The following PIK3R5 variants were observed in gnomAD, a reference collection of about 807,000 sequenced individuals.
PIK3R5 encodes the protein phosphoinositide-3-kinase regulatory subunit 5, also known as phosphoinositide 3-kinase regulatory subunit 5.
Under a neutral mutation model 94.9 loss-of-function variants are expected in PIK3R5, and 32 were observed. The ratio of observed to expected loss-of-function variants is 0.34; its 90% confidence interval spans 0.25 to 0.45. PIK3R5 has a LOEUF of 0.45. PIK3R5 is among the 20% of genes least tolerant of loss of function. PIK3R5 has a pLI of 1.00. For missense variants in PIK3R5, 853 were observed against 1,144.6 expected (o/e 0.75, Z 3.68); for synonymous variants, 443 against 479.4 (o/e 0.92, Z 0.99).
intron 1 of PIK3R5, among the ~76,000 whole-genome samples, chr17:8,933,752 C>T (rs1218422187): frequency 6.6e-6 from 1 of 152,056 alleles, no homozygotes; most frequent in Non-Finnish European, 1.5e-5. Context: ...GACTTACCCA[C>T]TTGGAATGCT....
At position 8,881,971 on chromosome 17, in the gene PIK3R5, G is replaced by T; in HGVS notation, c.2206-90C>A. The stretch of plus-strand genomic sequence containing the variant: ...GAAGGCCCATCAGTGACAGGGGGTT[G>T]CCTCTAGTTAGCATATCCCCAGAAA... On this transcript the variant is annotated intron_variant, in intron 15 of 18. Coordinates refer to ENST00000447110, the MANE Select transcript of PIK3R5 (RefSeq NM_001142633.3). The surrounding 1 kb of genome is among the most constrained non-coding windows in gnomAD (Gnocchi z 4.8). 1 of 982,420 alleles carries T rather than the reference G, an allele frequency of 1.0e-6. No homozygotes were observed. Among genetic ancestry groups the T allele is most frequent in the Non-Finnish European group, 1.6e-6 (1 of 629,704 alleles). The allele number at this position is 982,420 out of a possible 1,614,324, so 60.9% of individuals were successfully genotyped here. A position where few individuals can be genotyped will look rare whatever the true frequency, so the allele number is the denominator to read the frequency against.
intron 1 of PIK3R5, among the ~76,000 whole-genome samples, chr17:8,914,688 G>A (rs141187857): frequency 3.4e-3 from 523 of 152,308 alleles, no homozygotes; most frequent in African/African-American, 0.012. Flanking sequence ...CGGCAAACTC[G>A]CTCGCCTGCT....
In PIK3R5 at chr17:8,884,623, G is replaced by A. The variant is rs2089765772; in HGVS notation, c.2205+84C>T. On this transcript the variant is annotated intron_variant, in intron 15 of 18. Transcript: ENST00000447110. This position sits in a 1 kb window ranked among gnomAD's most constrained non-coding sequence, Gnocchi z 5.8. ...TAAAGACTGGGGCCCAGGAACACAC[G>A]AGTCCAGCTCTGGGTCCAAGCTCTG... The A allele has an allele frequency of 2.8e-6, 3 of 1,075,772 alleles. No homozygotes were observed. The highest frequency in any genetic ancestry group is 2.8e-6 in the Non-Finnish European group (2 of 706,460). 66.6% of individuals were successfully genotyped at this position (1,075,772 alleles called of 1,614,324 possible). A position where few individuals can be genotyped will look rare whatever the true frequency, so the allele number is the denominator to read the frequency against.
At chr17:8,960,480 T>G (rs2091543570) in intron 1 of PIK3R5, among the ~76,000 whole-genome samples, 1 of 152,252 alleles carries the variant, frequency 6.6e-6, no homozygotes, top group South Asian at 2.1e-4. Flanking sequence ...CCTGTCTTGC[T>G]CAGTGTCCTC....
chr17:8,905,281 T>G (rs1246660573), intron 4 of PIK3R5, among the ~76,000 whole-genome samples: 1 of 152,286 alleles, frequency 6.6e-6, no homozygotes, highest in Non-Finnish European at 1.5e-5. Context: ...TAAATGTTTA[T>G]TTTTTGAGGA....
At chr17:8,897,943 G>GT (rs397934895) in intron 5 of PIK3R5, among the ~76,000 whole-genome samples, 4 of 151,806 alleles carry the variant, frequency 2.6e-5, no homozygotes, top group Non-Finnish European at 4.4e-5. Context: ...GTGTGTGTGT[G>GT]GTGTGTGTGT....
chr17:8,915,231 T>C (rs1413561561), intron 1 of PIK3R5, among the ~76,000 whole-genome samples: 1 of 152,100 alleles, frequency 6.6e-6, no homozygotes, highest in East Asian at 1.9e-4. Flanking sequence ...GAGACCAGCC[T>C]GGCCAACATG....
At chr17:8,924,600 G>A (rs555143221) in intron 1 of PIK3R5, among the ~76,000 whole-genome samples, 144 of 152,030 alleles carry the variant, frequency 9.5e-4, no homozygotes, top group Middle Eastern at 3.4e-3. Context: ...TTACCACCCC[G>A]TCTTCTCTCC....
rs893588609 is a variant in PIK3R5, at chr17:8,945,151, C to G, written c.-14+20445G>C. On this transcript the variant is annotated intron_variant, in intron 1 of 18. Transcript: ENST00000447110. This position sits in a 1 kb window ranked among gnomAD's most constrained non-coding sequence, Gnocchi z 4.0. ...CAAACCCTGGCTCGGCCCCTCACCC[C>G]ACTTCGAAGAGGGGATCTACATCCT... is the stretch of plus-strand genomic sequence containing the variant. Among the ~76,000 whole-genome samples the G allele has an allele frequency of 6.6e-6, 1 of 152,166 alleles. No homozygotes were observed. The highest frequency in any genetic ancestry group is 6.5e-5 in the Admixed American group (1 of 15,282).
rs537078526 is a variant in PIK3R5, at chr17:8,939,249, C to T, written c.-14+26347G>A. Among the ~76,000 whole-genome samples the T allele has an allele frequency of 8.5e-5, 13 of 152,344 alleles. No homozygotes were observed. In the South Asian group the frequency reaches 2.7e-3, roughly 32 times the overall value. ...GAACACCAAAGCCCTCCCCAGCTGT[C>T]AGGTAACACCTCGAATTCTCTACCC... On this transcript the variant is annotated intron_variant, in intron 1 of 18. Coordinates refer to ENST00000447110, the MANE Select transcript of PIK3R5 (RefSeq NM_001142633.3).
At chr17:8,886,160 T>A in intron 14 of PIK3R5, 69 bp downstream of exon 14, 1 of 1,202,306 alleles carries the variant, frequency 8.3e-7, no homozygotes, top group Admixed American at 1.8e-5. Context: ...TAACCCCACC[T>A]CCACAGAGCT....
rs532170995 is a variant in PIK3R5 at position 8,905,615 on chromosome 17, G to A, written c.273+54C>T. 115 of 1,364,304 alleles carry A rather than the reference G, an allele frequency of 8.4e-5. 3 individuals carry two copies. The South Asian group carries it at 1.3e-3, about 16-fold the overall frequency. The allele number at this position is 1,364,304 out of a possible 1,614,324, so 84.5% of individuals were successfully genotyped here. A position where few individuals can be genotyped will look rare whatever the true frequency, so the allele number is the denominator to read the frequency against. On this transcript the variant is annotated intron_variant, in intron 4 of 18. Coordinates refer to ENST00000447110, the MANE Select transcript of PIK3R5 (RefSeq NM_001142633.3). ...TGTGAGGGCTCTGCCCCAGATAGAG[G>A]TCGCTCCTCCCCCTCCTCCCTCACC...
At chr17:8,917,687 G>A (rs2151424378) in intron 1 of PIK3R5, among the ~76,000 whole-genome samples, 1 of 152,248 alleles carries the variant, frequency 6.6e-6, no homozygotes, top group African/African-American at 2.4e-5. Flanking sequence ...CCAATATGGT[G>A]AAACCCTGTC....
chr17:8,954,408 C>A (rs2091431955), intron 1 of PIK3R5, among the ~76,000 whole-genome samples: 1 of 152,202 alleles, frequency 6.6e-6, no homozygotes. Flanking sequence ...CGCCTTACTC[C>A]CTCTGAAAAC....
chr17:8,888,294 C>T lies in PIK3R5; in HGVS notation c.1493G>A (p.Arg498His), dbSNP rs765654812. ...CAGGAAGGGGCGGCGGCGCTGGGGG[C>T]GTGAAGCAGGGGCCAGAAGCCAGCT... ...LPSWLLAPAS[R>H]PQRRRPFLSG... is the part of the protein sequence containing the mutation. Residue 498 changes from arginine to histidine, a missense_variant, in exon 10 of 19, where the codon CGC (arginine) becomes CAC (histidine). Transcript: ENST00000447110. This position sits in a 1 kb window ranked among gnomAD's most constrained non-coding sequence, Gnocchi z 7.8. The T allele has an allele frequency of 3.5e-5, 56 of 1,612,970 alleles. No individual in the cohort carries two copies. In the Admixed American group the frequency reaches 7.5e-4, roughly 22 times the overall value.
chr17:8,915,426 A>G (rs982900194), intron 1 of PIK3R5, among the ~76,000 whole-genome samples: 2 of 152,008 alleles, frequency 1.3e-5, no homozygotes, highest in Admixed American at 6.5e-5. Flanking sequence ...AAAAAAAAAA[A>G]AAAGAAAATC....
chr17:8,888,304 G>A lies in PIK3R5; in HGVS notation c.1483C>T (p.Pro495Ser). 3 of 1,613,120 alleles carry A rather than the reference G, an allele frequency of 1.9e-6. No homozygotes were observed. Among genetic ancestry groups the A allele is most frequent in the Non-Finnish European group, 2.5e-6 (3 of 1,179,808 alleles). Residue 495 changes from proline to serine, a missense_variant, in exon 10 of 19, where the codon CCT (proline) becomes TCT (serine). Around this residue, in one of 6 missense-constraint regions of PIK3R5, gnomAD observed 319 missense variants for 339.8 expected, o/e 0.94. Coordinates refer to ENST00000447110, the MANE Select transcript of PIK3R5 (RefSeq NM_001142633.3). This position sits in a 1 kb window ranked among gnomAD's most constrained non-coding sequence, Gnocchi z 7.8. The part of the protein sequence containing the change: ...GTQLPSWLLA[P>S]ASRPQRRRPF... ...CGGCGGCGCTGGGGGCGTGAAGCAG[G>A]GGCCAGAAGCCAGCTGGGCAGCTGG... is the stretch of plus-strand genomic sequence containing the variant.
At chr17:8,906,614 G>A (rs2090401678) in intron 3 of PIK3R5, among the ~76,000 whole-genome samples, 1 of 152,104 alleles carries the variant, frequency 6.6e-6, no homozygotes, top group African/African-American at 2.4e-5. Flanking sequence ...TGGGCCCAGT[G>A]GCTCATGCTT....
At chr17:8,894,905 GAC>G (rs1021164215) in intron 5 of PIK3R5, among the ~76,000 whole-genome samples, 2 of 152,168 alleles carry the variant, frequency 1.3e-5, no homozygotes, top group African/African-American at 4.8e-5. Flanking sequence ...GGGGTTTAAA[GAC>G]AGCTATAAAT....
Sources: allele counts gnomAD v4.1 joint callset (sites outside exome capture counted in the v4.1 genomes callset), GRCh38; gene constraint gnomAD v4.1.1; regional missense constraint gnomAD v4.1.1; non-coding constraint Gnocchi (gnomAD v3.1); transcripts MANE v1.5; gene names NCBI Gene and HGNC (gene_info 2026-07-23, HGNC 2026-07-21).